LARGE1: variants seen among roughly 807,000 people sequenced by gnomAD.
The protein encoded by LARGE1 is LARGE xylosyl- and glucuronyltransferase 1.
A neutral mutation model predicts 87.6 loss-of-function variants in LARGE1; 43 were observed. That is an observed-to-expected ratio of 0.49 (90% CI 0.38 to 0.63). The LOEUF (loss-of-function observed/expected upper bound fraction) is 0.63. LARGE1 is among the 30% of genes least tolerant of loss of function. LARGE1 has a pLI of 0.00. For synonymous variants in LARGE1, 434 were observed against 394.6 expected (o/e 1.10, Z -1.18); for missense variants, 802 against 1,000.2 (o/e 0.80, Z 2.67).
intron 1 of LARGE1, among the ~76,000 whole-genome samples, chr22:33,842,318 T>C (rs2063304015): frequency 6.6e-6 from 1 of 152,224 alleles, no homozygotes; most frequent in Admixed American, 6.5e-5. Flanking sequence ...AGGGCATTTT[T>C]TAATAAAAAA....
intron 1 of LARGE1, among the ~76,000 whole-genome samples, chr22:33,883,646 C>A (rs140490220): frequency 9.2e-5 from 14 of 152,264 alleles, no homozygotes; most frequent in Non-Finnish European, 1.6e-4. Context: ...TCCAGGCACA[C>A]GACCCCTCTG....
chr22:33,405,997 A>G (rs16992276), intron 7 of LARGE1, among the ~76,000 whole-genome samples: 1 of 152,110 alleles, frequency 6.6e-6, no homozygotes, highest in Non-Finnish European at 1.5e-5. Context: ...CCATTAACAC[A>G]TACATTTCCT....
chr22:33,234,471 G>C (rs968825517), intron 11 of LARGE1, among the ~76,000 whole-genome samples: 2 of 152,124 alleles, frequency 1.3e-5, no homozygotes, highest in African/African-American at 4.8e-5. Context: ...AATCCTAACT[G>C]TTTTGAGATT....
chr22:33,636,206 T>C (rs867033574), intron 3 of LARGE1, among the ~76,000 whole-genome samples: 66 of 152,294 alleles, frequency 4.3e-4, no homozygotes, highest in African/African-American at 1.2e-3. Flanking sequence ...GTCAAGAGAA[T>C]TGTAATCAAT....
At chr22:33,896,511 G>A (rs1569019827) in intron 1 of LARGE1, among the ~76,000 whole-genome samples, 1 of 152,210 alleles carries the variant, frequency 6.6e-6, no homozygotes, top group Non-Finnish European at 1.5e-5. Flanking sequence ...CCGTGTACTG[G>A]GGTCCAGTGG....
At chr22:33,830,936 A>G (rs1032462390) in intron 1 of LARGE1, among the ~76,000 whole-genome samples, 2 of 152,218 alleles carry the variant, frequency 1.3e-5, no homozygotes, top group African/African-American at 2.4e-5. Flanking sequence ...CTCTGCCTTC[A>G]TGACCTAAGT....
intron 12 of LARGE1, among the ~76,000 whole-genome samples, chr22:33,301,655 G>A (rs900329182): frequency 2.6e-5 from 4 of 152,088 alleles, no homozygotes; most frequent in African/African-American, 9.7e-5. Flanking sequence ...AGCATTCTTG[G>A]GAAAAGTCTG....
chr22:33,699,421 C>T (rs1013388065), intron 2 of LARGE1, among the ~76,000 whole-genome samples: 1 of 152,164 alleles, frequency 6.6e-6, no homozygotes, highest in Non-Finnish European at 1.5e-5. Context: ...ATGTGTTTAG[C>T]AACATTCCTA....
chr22:33,297,786 C>T (rs1933524621), intron 12 of LARGE1, among the ~76,000 whole-genome samples: 1 of 151,762 alleles, frequency 6.6e-6, no homozygotes, highest in Non-Finnish European at 1.5e-5. Flanking sequence ...TCAAGACCAG[C>T]CTGGCCAACA....
At chr22:33,553,850 C>A (rs994926838) in intron 6 of LARGE1, among the ~76,000 whole-genome samples, 4 of 152,092 alleles carry the variant, frequency 2.6e-5, no homozygotes, top group African/African-American at 7.2e-5. Flanking sequence ...CTTTCCTCCC[C>A]CTTGGTGAGG....
At position 33,347,249 on chromosome 22, in the gene LARGE1, C is replaced by T. The variant is rs555715909; in HGVS notation, c.1132-9448G>A. Among the ~76,000 whole-genome samples, 8 of 152,322 alleles carry T rather than the reference C, an allele frequency of 5.3e-5. No individual in the cohort carries two copies. In the South Asian group the frequency reaches 1.0e-3, roughly 20 times the overall value. On this transcript the variant is annotated intron_variant, in intron 9 of 14. Coordinates refer to ENST00000397394, the MANE Select transcript of LARGE1 (RefSeq NM_133642.5). ...GCTCTATTAGAGAACTCATTGCATG[C>T]TTCTTGTAATTATTTATTTACATGC...
At chr22:33,484,813 C>T (rs2069495489) in intron 6 of LARGE1, among the ~76,000 whole-genome samples, 1 of 152,070 alleles carries the variant, frequency 6.6e-6, no homozygotes, top group Non-Finnish European at 1.5e-5. Context: ...ACCCATTCTT[C>T]CTTATTGTCA....
intron 6 of LARGE1, among the ~76,000 whole-genome samples, chr22:33,476,483 T>A (rs2069085627): frequency 1.3e-5 from 2 of 152,192 alleles, no homozygotes; most frequent in African/African-American, 4.8e-5. Context: ...GACTGATGCA[T>A]CACGTCTCTG....
intron 9 of LARGE1, among the ~76,000 whole-genome samples, chr22:33,377,393 A>C (rs2065023770): frequency 6.6e-6 from 1 of 152,200 alleles, no homozygotes; most frequent in African/African-American, 2.4e-5. Flanking sequence ...AACAATTATA[A>C]AATCCTCTTC....
intron 2 of LARGE1, among the ~76,000 whole-genome samples, chr22:33,693,554 G>A (rs764984988): frequency 2.0e-5 from 3 of 152,194 alleles, no homozygotes; most frequent in South Asian, 2.1e-4. Flanking sequence ...TGGCTGGGGC[G>A]GTGGCTCACG....
chr22:33,467,101 A>T (rs879381167), intron 6 of LARGE1, among the ~76,000 whole-genome samples: 10 of 152,184 alleles, frequency 6.6e-5, no homozygotes, highest in African/African-American at 9.6e-5. Flanking sequence ...AAGGAATGAT[A>T]TTGTTTCAAC....
chr22:33,674,960 G>A (rs1197927409), intron 2 of LARGE1, among the ~76,000 whole-genome samples: 5 of 151,730 alleles, frequency 3.3e-5, no homozygotes, highest in Non-Finnish European at 7.4e-5. Context: ...CCAGCATATA[G>A]TAGGGGCTCA....
At chr22:33,484,202 T>G (rs939696363) in intron 6 of LARGE1, among the ~76,000 whole-genome samples, 2 of 152,164 alleles carry the variant, frequency 1.3e-5, no homozygotes, top group Non-Finnish European at 2.9e-5. Flanking sequence ...TCCTCTCACT[T>G]CATCACACAA....
intron 11 of LARGE1, among the ~76,000 whole-genome samples, chr22:33,260,662 C>T (rs1474329131): frequency 2.6e-5 from 4 of 152,164 alleles, no homozygotes; most frequent in African/African-American, 4.8e-5. Flanking sequence ...CCGAGAGCCT[C>T]CTTTGCTGTC....
Sources: allele counts gnomAD v4.1 joint callset (sites outside exome capture counted in the v4.1 genomes callset), GRCh38; gene constraint gnomAD v4.1.1; transcripts MANE v1.5; gene names NCBI Gene and HGNC (gene_info 2026-07-23, HGNC 2026-07-21).